CASP6: variants seen among roughly 807,000 people sequenced by gnomAD.
The protein encoded by CASP6 is caspase 6.
Under a neutral mutation model 31.8 loss-of-function variants are expected in CASP6, and 20 were observed. The ratio of observed to expected loss-of-function variants is 0.63; its 90% CI spans 0.44 to 0.91. CASP6 has a LOEUF of 0.91. Among genes scored for constraint, CASP6 ranks in the 40% least tolerant of loss-of-function variants. The probability of loss-of-function intolerance (pLI) is 0.00; values close to 1 mark genes in which losing one functional copy is unlikely to be tolerated. For missense variants in CASP6, 328 were observed against 361.1 expected, an observed-to-expected ratio of 0.91 and a Z score of 0.74; for synonymous variants, 130 against 127.8, an observed-to-expected ratio of 1.02 and a Z score of -0.12.
chr4:109,697,556 C>T, intron 3 of CASP6, 66 bp downstream of exon 3: 1 of 1,524,234 alleles, frequency 6.6e-7, no homozygotes, highest in Non-Finnish European at 8.8e-7. Context: ...CATGAACCAC[C>T]ACACCTGGCC....
At chr4:109,701,339 G>T (rs1249839608) in intron 1 of CASP6, among the ~76,000 whole-genome samples, 1 of 152,162 alleles carries the variant, frequency 6.6e-6, no homozygotes, top group Non-Finnish European at 1.5e-5. Flanking sequence ...TAATGAAGGA[G>T]CTACCCTGTA....
At chr4:109,706,163 A>ATATATG (rs1730612291), upstream of CASP6, among the ~76,000 whole-genome samples, 1 of 92,096 alleles carries the variant, frequency 1.1e-5, no homozygotes, top group South Asian at 3.4e-4. Flanking sequence ...ATATATATAT[A>ATATATG]TATATATACA....
downstream of CASP6, among the ~76,000 whole-genome samples, chr4:109,684,062 TTTC>T (rs1443354302): frequency 7.1e-6 from 1 of 140,466 alleles, no homozygotes; most frequent in Non-Finnish European, 1.5e-5. Context: ...GAGTTCCTCT[TTTC>T]TTTTTTTTTT....
intron 6 of CASP6, among the ~76,000 whole-genome samples, chr4:109,689,835 T>A (rs1284099654): frequency 6.6e-6 from 1 of 152,116 alleles, no homozygotes; most frequent in African/African-American, 2.4e-5. Flanking sequence ...GATTGAGACA[T>A]GAGATTACTA....
chr4:109,690,741 G>T, intron 6 of CASP6, 109 bp downstream of exon 6: 1 of 1,107,776 alleles, frequency 9.0e-7, no homozygotes, highest in Non-Finnish European at 1.3e-6. Context: ...GCTTCAGGAT[G>T]GAATCACCAT....
At chr4:109,678,727 G>A in the CASP6 span, among the ~76,000 whole-genome samples, 9 of 140,100 alleles carry the variant, frequency 6.4e-5, no homozygotes, top group South Asian at 4.6e-4. Flanking sequence ...AAGCAGAGGC[G>A]CTCCCCACAT....
the CASP6 span, among the ~76,000 whole-genome samples, chr4:109,665,408 T>C: frequency 6.6e-6 from 1 of 152,222 alleles, no homozygotes; most frequent in East Asian, 1.9e-4. Flanking sequence ...GGTTTCCTTA[T>C]AGTTGTTTCA....
At chr4:109,707,055 A>G (rs1040844898), upstream of CASP6, among the ~76,000 whole-genome samples, 4 of 152,234 alleles carry the variant, frequency 2.6e-5, no homozygotes, top group Non-Finnish European at 5.9e-5. Flanking sequence ...GAAGGCTCAG[A>G]TGATCCCTAG....
the CASP6 span, among the ~76,000 whole-genome samples, chr4:109,670,812 T>G: frequency 6.6e-6 from 1 of 151,946 alleles, no homozygotes; most frequent in Non-Finnish European, 1.5e-5. Context: ...GAGGAGGAGA[T>G]TTTTCTTCAG....
At chr4:109,668,600 A>G in the CASP6 span, among the ~76,000 whole-genome samples, 9 of 151,764 alleles carry the variant, frequency 5.9e-5, no homozygotes, top group Admixed American at 6.6e-5. Context: ...GACAAGCTCT[A>G]TCTTTTGATT....
At chr4:109,704,910 G>C (rs1730550585), upstream of CASP6, among the ~76,000 whole-genome samples, 1 of 152,182 alleles carries the variant, frequency 6.6e-6, no homozygotes, top group Non-Finnish European at 1.5e-5. Flanking sequence ...CACCATGTTT[G>C]GCCAGGCTGG....
chr4:109,709,319 T>C, the CASP6 span, among the ~76,000 whole-genome samples: 1 of 152,172 alleles, frequency 6.6e-6, no homozygotes, highest in Non-Finnish European at 1.5e-5. Context: ...TCACGCATGC[T>C]CATGTTTGAG....
chr4:109,690,247 A>AAAAAAACAC (rs61007363), intron 6 of CASP6, among the ~76,000 whole-genome samples: 32 of 143,410 alleles, frequency 2.2e-4, no homozygotes, highest in African/African-American at 8.5e-4. Context: ...AAAAAAAAAA[A>AAAAAAACAC]ACGCACGCAC....
At chr4:109,672,417 C>T in the CASP6 span, among the ~76,000 whole-genome samples, 2 of 152,194 alleles carry the variant, frequency 1.3e-5, no homozygotes, top group Admixed American at 6.5e-5. Flanking sequence ...TGCTAGTTTA[C>T]ACTGAGTGTC....
chr4:109,672,243 A>G, the CASP6 span, among the ~76,000 whole-genome samples: 3 of 152,216 alleles, frequency 2.0e-5, no homozygotes, highest in South Asian at 6.2e-4. Flanking sequence ...GTAGTTTCCT[A>G]TTATGGAGGA....
chr4:109,671,571 T>C, the CASP6 span, among the ~76,000 whole-genome samples: 1 of 152,168 alleles, frequency 6.6e-6, no homozygotes, highest in Non-Finnish European at 1.5e-5. Flanking sequence ...TAGCAATTCC[T>C]TTTGGTTCTT....
chr4:109,682,053 A>G, the CASP6 span, among the ~76,000 whole-genome samples: 64 of 135,546 alleles, frequency 4.7e-4, no homozygotes, highest in Middle Eastern at 3.4e-3. Context: ...GTTTTTGCCT[A>G]ATTAGCATTT....
chr4:109,696,938 A>G (rs964619963), intron 3 of CASP6, among the ~76,000 whole-genome samples: 1 of 151,628 alleles, frequency 6.6e-6, no homozygotes, highest in Non-Finnish European at 1.5e-5. Flanking sequence ...GGCTCCCACC[A>G]CCACGCCCGG....
chr4:109,677,572 G>T, the CASP6 span, among the ~76,000 whole-genome samples: 1 of 152,154 alleles, frequency 6.6e-6, no homozygotes, highest in South Asian at 2.1e-4. Flanking sequence ...GAGGTGTTTA[G>T]GTCATGAGGA....
Sources: gnomAD v4.1 joint callset for allele counts (sites outside exome capture counted in the v4.1 genomes callset) on GRCh38, gnomAD v4.1.1 for gene constraint, MANE v1.5 for transcripts, NCBI Gene and HGNC (gene_info 2026-07-23, HGNC 2026-07-21) for gene names.